The following CDK5RAP2 variants were observed in gnomAD, a reference collection of about 807,000 sequenced individuals.
CDK5RAP2 encodes CDK5 regulatory subunit-associated protein 2.
In CDK5RAP2, 147 loss-of-function variants were observed where a neutral mutation model predicts 232.9. That is an observed-to-expected ratio of 0.63 (90% CI 0.55 to 0.72). The LOEUF is 0.72. CDK5RAP2 is among the 30% of genes least tolerant of loss of function. The probability of loss-of-function intolerance (pLI) is 0.00; values close to 1 mark genes in which losing one functional copy is unlikely to be tolerated. For missense variants in CDK5RAP2, 2,195 were observed against 2,231.5 expected, an observed-to-expected ratio of 0.98 and a Z score of 0.33; for synonymous variants, 833 against 833.7, an observed-to-expected ratio of 1.00 and a Z score of 0.01.
chr9:120,425,167 C>T (rs527268585), intron 25 of CDK5RAP2, among the ~76,000 whole-genome samples: 6 of 152,282 alleles, frequency 3.9e-5, no homozygotes, highest in Admixed American at 1.3e-4. Flanking sequence ...GCCCTGATGC[C>T]ACCAGCAGCA....
chr9:120,569,282 C>G (rs1490868603), intron 2 of CDK5RAP2, among the ~76,000 whole-genome samples: 1 of 152,136 alleles, frequency 6.6e-6, no homozygotes, highest in Non-Finnish European at 1.5e-5. Context: ...GTGGAAACAT[C>G]AGGAAACAAA....
At chr9:120,402,487 G>C (rs549802697) in intron 34 of CDK5RAP2, among the ~76,000 whole-genome samples, 1 of 152,338 alleles carries the variant, frequency 6.6e-6, no homozygotes, top group African/African-American at 2.4e-5. Flanking sequence ...AGGTGGATGG[G>C]CAGATGAATG....
intron 21 of CDK5RAP2, among the ~76,000 whole-genome samples, chr9:120,452,518 C>T (rs2036533576): frequency 6.6e-6 from 1 of 151,970 alleles, no homozygotes; most frequent in Non-Finnish European, 1.5e-5. Flanking sequence ...CTTCACTGAA[C>T]CACTATTAGA....
In CDK5RAP2 at chr9:120,530,799, T is replaced by C. The variant is rs951636686; in HGVS notation, c.663-659A>G. Reference sequence around the variant, plus strand: ...GCGTGTTCTCACTCATAGGTGGGAATTGAACAATGAGAACACTTGGACACA... The same window carrying C: ...GCGTGTTCTCACTCATAGGTGGGAACTGAACAATGAGAACACTTGGACACA... On this transcript the variant is annotated intron_variant, in intron 7 of 37. Transcript: ENST00000349780. Among the ~76,000 whole-genome samples, 12 of 139,244 alleles carry C rather than the reference T, an allele frequency of 8.6e-5. No homozygotes were observed. In the East Asian group the frequency reaches 1.3e-3, roughly 15 times the overall value. 91.3% of individuals were successfully genotyped at this position (139,244 alleles called of 152,430 possible).
rs571026079 is a variant in CDK5RAP2 at position 120,520,943 on chromosome 9, T to A, written c.1093-2298A>T. Among the ~76,000 whole-genome samples, 328 of 152,260 alleles carry A rather than the reference T, an allele frequency of 2.2e-3. 2 individuals carry two copies. The highest frequency in any genetic ancestry group is 7.3e-3 in the African/African-American group (303 of 41,550). On this transcript the variant is annotated intron_variant, in intron 11 of 37. Coordinates refer to ENST00000349780, the MANE Select transcript of CDK5RAP2 (RefSeq NM_018249.6). The stretch of plus-strand genomic sequence containing the variant: ...TGAGCTGTATCTCATATATCATATA[T>A]CTCATATGAGCTGTATCTCATGTAT...
At chr9:120,457,748 TTGA>T (rs2036861354) in intron 20 of CDK5RAP2, among the ~76,000 whole-genome samples, 1 of 152,258 alleles carries the variant, frequency 6.6e-6, no homozygotes, top group Non-Finnish European at 1.5e-5. Flanking sequence ...AAAACTGTTA[TTGA>T]ACACGCATCA....
chr9:120,399,169 A>T (rs1443027636), intron 35 of CDK5RAP2, among the ~76,000 whole-genome samples: 2 of 152,236 alleles, frequency 1.3e-5, no homozygotes, highest in African/African-American at 4.8e-5. Context: ...ATGATTTGCA[A>T]GTAGGGAAGA....
chr9:120,509,847 C>G (rs929401316), intron 12 of CDK5RAP2, among the ~76,000 whole-genome samples: 1 of 152,180 alleles, frequency 6.6e-6, no homozygotes, highest in African/African-American at 2.4e-5. Flanking sequence ...GGACTCCAAA[C>G]CAGTTTGACT....
At chr9:120,507,164 T>G (rs1185836521) in intron 12 of CDK5RAP2, among the ~76,000 whole-genome samples, 1 of 152,204 alleles carries the variant, frequency 6.6e-6, no homozygotes, top group African/African-American at 2.4e-5. Context: ...TGGCAGTATT[T>G]TTAATTCAGG....
chr9:120,498,229 C>T (rs1200540556), intron 12 of CDK5RAP2, among the ~76,000 whole-genome samples: 2 of 152,166 alleles, frequency 1.3e-5, no homozygotes, highest in Non-Finnish European at 2.9e-5. Context: ...CCATACTTAG[C>T]GATGGCCCCC....
At chr9:120,559,657 C>T (rs543865449) in intron 3 of CDK5RAP2, among the ~76,000 whole-genome samples, 22 of 148,358 alleles carry the variant, frequency 1.5e-4, no homozygotes, top group African/African-American at 5.0e-4. Flanking sequence ...ATAAAACCCA[C>T]AAAATATGAC....
At chr9:120,460,746 G>A in intron 18 of CDK5RAP2, 79 bp from the exon 19 acceptor site, 1 of 1,569,604 alleles carries the variant, frequency 6.4e-7, no homozygotes, top group Non-Finnish European at 8.6e-7. Context: ...AGTCAGTGAT[G>A]TCTTTTTTTT....
At chr9:120,534,930 TCA>T (rs1183513614) in intron 7 of CDK5RAP2, among the ~76,000 whole-genome samples, 2 of 152,222 alleles carry the variant, frequency 1.3e-5, no homozygotes, top group African/African-American at 4.8e-5. Context: ...TGTGGAATTC[TCA>T]CAGTCTAGTG....
intron 21 of CDK5RAP2, among the ~76,000 whole-genome samples, chr9:120,451,149 A>C (rs2036460268): frequency 6.6e-6 from 1 of 152,202 alleles, no homozygotes; most frequent in Admixed American, 6.5e-5. Context: ...CAGTCAACCT[A>C]ATGCTTGTTC....
chr9:120,418,718 C>G (rs1029972125), intron 27 of CDK5RAP2, among the ~76,000 whole-genome samples: 6 of 152,184 alleles, frequency 3.9e-5, no homozygotes, highest in African/African-American at 1.4e-4. Context: ...GGCTAGATAA[C>G]GCTGCTGGAG....
chr9:120,524,889 C>G, intron 11 of CDK5RAP2, 97 bp downstream of exon 11: 1 of 849,354 alleles, frequency 1.2e-6, no homozygotes, highest in Non-Finnish European at 2.0e-6. Flanking sequence ...CACAGTTTTC[C>G]TTATTAAAAT....
chr9:120,542,063 G>C (rs1007954895), intron 5 of CDK5RAP2, among the ~76,000 whole-genome samples: 19 of 152,176 alleles, frequency 1.2e-4, no homozygotes, highest in African/African-American at 4.6e-4. Flanking sequence ...GGATTTTCCT[G>C]TGGCAGATGT....
chr9:120,395,965 T>C (rs2032429555), intron 35 of CDK5RAP2, among the ~76,000 whole-genome samples: 1 of 152,222 alleles, frequency 6.6e-6, no homozygotes, highest in South Asian at 2.1e-4. Context: ...GAAACAGAAA[T>C]TGGAAGTGAC....
chr9:120,485,465 T>G (rs1292767054), intron 14 of CDK5RAP2, among the ~76,000 whole-genome samples: 1 of 152,156 alleles, frequency 6.6e-6, no homozygotes, highest in Non-Finnish European at 1.5e-5. Context: ...CAGCTAATTT[T>G]TGTATTTTTA....
Sources: allele counts gnomAD v4.1 joint callset (sites outside exome capture counted in the v4.1 genomes callset), GRCh38; gene constraint gnomAD v4.1.1; transcripts MANE v1.5; gene names NCBI Gene and HGNC (gene_info 2026-07-23, HGNC 2026-07-21).